The following ZC3H12C variants were observed in gnomAD, a reference collection of about 807,000 sequenced individuals.
The protein encoded by ZC3H12C is zinc finger CCCH-type containing 12C.
Under a neutral mutation model 76.3 loss-of-function variants are expected in ZC3H12C, and 20 were observed. The ratio of observed to expected loss-of-function variants is 0.26; its 90% confidence interval spans 0.18 to 0.38. The LOEUF (loss-of-function observed/expected upper bound fraction) is 0.38, where lower values mean the gene tolerates loss of function less well. ZC3H12C is among the 10% of genes least tolerant of loss of function. ZC3H12C has a pLI of 1.00. For synonymous variants in ZC3H12C, 352 were observed against 399.6 expected, an observed-to-expected ratio of 0.88 and a Z score of 1.42; for missense variants, 874 against 1,086.5, an observed-to-expected ratio of 0.80 and a Z score of 2.75.
Position 110,169,052 on chromosome 11 carries a change from G to A in ZC3H12C, c.*3315G>A, listed in dbSNP as rs1017568123. The A allele has an allele frequency of 6.6e-6, 1 of 152,080 alleles. No individual in the cohort carries two copies. The highest frequency in any genetic ancestry group is 2.4e-5 in the African/African-American group (1 of 41,426). The allele number at this position is 152,080 out of a possible 1,614,324, so 9.4% of individuals were successfully genotyped here. A position where few individuals can be genotyped will look rare whatever the true frequency, so the allele number is the denominator to read the frequency against. ...GTTTCTTTGAGTTGTGAACGACCGAGTCTGGGGTCTGGACGGCCAATGATA... is the reference window on the plus strand; with the variant it reads ...GTTTCTTTGAGTTGTGAACGACCGAATCTGGGGTCTGGACGGCCAATGATA... On this transcript the variant is annotated 3_prime_UTR_variant, in exon 6 of 6. Coordinates refer to ENST00000278590, the MANE Select transcript of ZC3H12C (RefSeq NM_033390.2).
intron 3 of ZC3H12C, among the ~76,000 whole-genome samples, chr11:110,157,256 G>C (rs1478412409): frequency 1.3e-5 from 2 of 151,640 alleles, no homozygotes; most frequent in Admixed American, 1.3e-4. Flanking sequence ...TGTTTACTGA[G>C]AGCTTGCCAG....
Position 110,170,021 on chromosome 11 carries a change from A to G in ZC3H12C, c.*4284A>G, listed in dbSNP as rs573590776. 7 of 152,324 alleles carry G rather than the reference A, an allele frequency of 4.6e-5. No homozygotes were observed. Among genetic ancestry groups the G allele is most frequent in the East Asian group, 3.9e-4 (2 of 5,190 alleles). 9.4% of individuals were successfully genotyped at this position (152,324 alleles called of 1,614,324 possible). ...CTGATCTCAAGCAGTAAATCCTGGTATATGTTAATAGAAGAAATCATAATT... is the reference window on the plus strand; with the variant it reads ...CTGATCTCAAGCAGTAAATCCTGGTGTATGTTAATAGAAGAAATCATAATT... On this transcript the variant is annotated 3_prime_UTR_variant, in exon 6 of 6. Coordinates refer to ENST00000278590, the MANE Select transcript of ZC3H12C (RefSeq NM_033390.2).
intron 1 of ZC3H12C, among the ~76,000 whole-genome samples, chr11:110,103,719 A>T (rs4633430): frequency 0.7 from 106,358 of 151,410 alleles, 37,608 homozygotes; most frequent in East Asian, 0.89. Flanking sequence ...CACTCTCCTG[A>T]CTCAGCCTCC....
chr11:110,102,423 G>A (rs2134145135), intron 1 of ZC3H12C, among the ~76,000 whole-genome samples: 1 of 152,100 alleles, frequency 6.6e-6, no homozygotes, highest in East Asian at 1.9e-4. Flanking sequence ...AAGAGAACTA[G>A]AATTAGAAGT....
At chr11:110,129,528 T>G (rs2134170045) in intron 1 of ZC3H12C, among the ~76,000 whole-genome samples, 1 of 152,326 alleles carries the variant, frequency 6.6e-6, no homozygotes, top group East Asian at 1.9e-4. Context: ...AGCTTCTGTA[T>G]TTGTGTATAA....
At chr11:110,096,474 T>G (rs1861115048) in intron 1 of ZC3H12C, among the ~76,000 whole-genome samples, 2 of 152,188 alleles carry the variant, frequency 1.3e-5, no homozygotes, top group African/African-American at 4.8e-5. Context: ...CTTGAACACC[T>G]TTATGCATTG....
At chr11:110,132,869 A>C (rs1424654346) in intron 1 of ZC3H12C, among the ~76,000 whole-genome samples, 1 of 152,140 alleles carries the variant, frequency 6.6e-6, no homozygotes, top group Admixed American at 6.5e-5. Flanking sequence ...TAAGAAATGA[A>C]AAGTATTTTC....
At chr11:110,151,114 A>G (rs1038419943) in intron 2 of ZC3H12C, among the ~76,000 whole-genome samples, 1 of 152,168 alleles carries the variant, frequency 6.6e-6, no homozygotes, top group Non-Finnish European at 1.5e-5. Flanking sequence ...GGATAATGAA[A>G]CAACCTTTAT....
In ZC3H12C at chr11:110,165,492, T is replaced by A. The variant is rs1175444245; in HGVS notation, c.2407T>A (p.Cys803Ser). 3.1e-6 allele frequency: 5 copies of A among 1,613,778 alleles called. No homozygotes were observed. The highest frequency in any genetic ancestry group is 4.2e-6 in the Non-Finnish European group (5 of 1,179,874). ...YSLPDNSTQP[C>S]YEQFTFQSLP... ...CTTGCCCGATAACTCCACACAGCCG[T>A]GTTATGAGCAGTTCACCTTCCAGAG... is the stretch of plus-strand genomic sequence containing the variant. Residue 803 changes from cysteine to serine, a missense_variant, in exon 6 of 6, where the codon TGT becomes AGT. By Grantham distance (112) the Cys-to-Ser change is moderately radical. Coordinates refer to ENST00000278590, the MANE Select transcript of ZC3H12C (RefSeq NM_033390.2).
rs544714147 is a variant in ZC3H12C, at chr11:110,152,180, G to C, written c.774-739G>C. On this transcript the variant is annotated intron_variant, in intron 2 of 5. Coordinates refer to ENST00000278590, the MANE Select transcript of ZC3H12C (RefSeq NM_033390.2). ...AGTGTACAAGCAGAGCCTGGTGCTA[G>C]ATAAACACTTACTGAATGACTACAC... is the stretch of plus-strand genomic sequence containing the variant. Among the ~76,000 whole-genome samples the C allele has an allele frequency of 2.3e-3, 346 of 152,314 alleles. 2 individuals are homozygous for C. The highest frequency in any genetic ancestry group is 4.0e-3 in the Non-Finnish European group (271 of 68,026).
At chr11:110,119,162 G>T (rs946116676) in intron 1 of ZC3H12C, among the ~76,000 whole-genome samples, 43 of 152,224 alleles carry the variant, frequency 2.8e-4, no homozygotes, top group Non-Finnish European at 3.5e-4. Context: ...AAGATCAGTG[G>T]AACACAACTG....
chr11:110,105,347 A>G (rs1861302846), intron 1 of ZC3H12C, among the ~76,000 whole-genome samples: 1 of 152,188 alleles, frequency 6.6e-6, no homozygotes, highest in Non-Finnish European at 1.5e-5. Context: ...TGAGCAAAAA[A>G]TGTCTGTTTT....
At chr11:110,115,095 CTTTATT>C (rs1250508143) in intron 1 of ZC3H12C, among the ~76,000 whole-genome samples, 1 of 151,816 alleles carries the variant, frequency 6.6e-6, no homozygotes, top group Non-Finnish European at 1.5e-5. Flanking sequence ...TTCTCATTTT[CTTTATT>C]TTTATGTATT....
chr11:110,142,163 A>G (rs1432574368), intron 2 of ZC3H12C, among the ~76,000 whole-genome samples: 1 of 152,164 alleles, frequency 6.6e-6, no homozygotes, highest in Non-Finnish European at 1.5e-5. Flanking sequence ...TAATTATATC[A>G]TTGTGGAGCC....
intron 5 of ZC3H12C, 23 bp downstream of exon 5, chr11:110,163,402 G>T: frequency 6.4e-7 from 1 of 1,573,620 alleles, no homozygotes; most frequent in Non-Finnish European, 8.7e-7. Context: ...GTGAATATTG[G>T]GTATATGCCT....
At position 110,104,723 on chromosome 11, in the gene ZC3H12C, C is replaced by G. The variant is rs193002756; in HGVS notation, c.21+11291C>G. ...AATTTATCTTTGATTTGTTATCCAT[C>G]AAACATGATCTACTTTGAAGAGTTG... On this transcript the variant is annotated intron_variant, in intron 1 of 5. Coordinates refer to ENST00000278590, the MANE Select transcript of ZC3H12C (RefSeq NM_033390.2). Among the ~76,000 whole-genome samples, 3 of 152,282 alleles carry G rather than the reference C, an allele frequency of 2.0e-5. No individual in the cohort carries two copies. The East Asian group carries it at 5.8e-4, about 29-fold the overall frequency.
chr11:110,156,112 G>T (rs1219779822), intron 3 of ZC3H12C, among the ~76,000 whole-genome samples: 1 of 47,530 alleles, frequency 2.1e-5, no homozygotes. Flanking sequence ...AATGGCAGAG[G>T]CATTATATTT....
At chr11:110,134,754 T>C (rs905279275) in intron 1 of ZC3H12C, among the ~76,000 whole-genome samples, 3 of 152,164 alleles carry the variant, frequency 2.0e-5, no homozygotes, top group Non-Finnish European at 4.4e-5. Context: ...TTAAAACTAA[T>C]GAATCCTGTA....
At chr11:110,140,506 T>G (rs138835516) in intron 2 of ZC3H12C, among the ~76,000 whole-genome samples, 19 of 152,364 alleles carry the variant, frequency 1.2e-4, no homozygotes, top group Non-Finnish European at 1.6e-4. Flanking sequence ...GCCCAGAGCT[T>G]CATGGCTACC....
Sources: gnomAD v4.1 joint callset for allele counts (sites outside exome capture counted in the v4.1 genomes callset) on GRCh38, gnomAD v4.1.1 for gene constraint, MANE v1.5 for transcripts, NCBI Gene and HGNC (gene_info 2026-07-23, HGNC 2026-07-21) for gene names.